Variants in ACVR1 observed in about 807,000 individuals in gnomAD.
ACVR1 encodes activin A receptor type 1, also known as activin receptor type-1.
A neutral mutation model predicts 57.1 loss-of-function variants in ACVR1; 38 were observed. The observed-to-expected ratio is 0.67, with a 90% CI of 0.51 to 0.87. ACVR1 has a LOEUF of 0.87. Among genes scored for constraint, ACVR1 ranks in the 40% least tolerant of loss-of-function variants. The probability of loss-of-function intolerance (pLI) is 0.00; values close to 1 mark genes in which losing one functional copy is unlikely to be tolerated. For missense variants in ACVR1, 463 were observed against 638.2 expected, an observed-to-expected ratio of 0.73 and a Z score of 2.96; for synonymous variants, 212 against 228.1, an observed-to-expected ratio of 0.93 and a Z score of 0.63.
intron 6 of ACVR1, among the ~76,000 whole-genome samples, chr2:157,772,147 T>C (rs1213950169): frequency 6.6e-6 from 1 of 152,206 alleles, no homozygotes; most frequent in Non-Finnish European, 1.5e-5. Flanking sequence ...GAAATATTGT[T>C]CAATGGTTTT....
chr2:157,828,356 G>A lies in ACVR1; in HGVS notation c.-182-9797C>T, dbSNP rs531016129. 1.8e-4 allele frequency among the ~76,000 whole-genome samples: 27 copies of A among 151,448 alleles called. No homozygotes were observed. The Middle Eastern group carries it at 0.01, about 59-fold the overall frequency. On this transcript the variant is annotated intron_variant, in intron 1 of 10. Coordinates refer to ENST00000434821, the MANE Select transcript of ACVR1 (RefSeq NM_001111067.4). ...TCCCAGCTACTCGGGAGACTGAGGC[G>A]GGAGAATCGATTGAACTTGGGAGGC...
intron 1 of ACVR1, among the ~76,000 whole-genome samples, chr2:157,822,057 T>C (rs762371537): frequency 2.0e-5 from 3 of 152,204 alleles, no homozygotes; most frequent in Non-Finnish European, 2.9e-5. Context: ...CTTCTAAACA[T>C]TGAAAATCCT....
intron 3 of ACVR1, among the ~76,000 whole-genome samples, chr2:157,796,541 C>A (rs1376110757): frequency 1.3e-5 from 2 of 151,854 alleles, no homozygotes; most frequent in East Asian, 1.9e-4. Context: ...GTGAAAGAGA[C>A]CCCGTTTCAA....
In ACVR1 at chr2:157,865,388, C is replaced by G. The variant is rs372998857; in HGVS notation, c.-183+10408G>C. ...AAATAAAAAGCAAAAATCCAATTCA[C>G]GGCACAACCTATACTGAAATTTAAA... On this transcript the variant is annotated intron_variant, in intron 1 of 10. Coordinates refer to ENST00000434821, the MANE Select transcript of ACVR1 (RefSeq NM_001111067.4). Among the ~76,000 whole-genome samples, 4 of 152,330 alleles carry G rather than the reference C, an allele frequency of 2.6e-5. No individual in the cohort carries two copies. The East Asian group carries it at 7.7e-4, about 29-fold the overall frequency.
intron 1 of ACVR1, among the ~76,000 whole-genome samples, chr2:157,823,983 C>T (rs1028858601): frequency 1.3e-5 from 2 of 152,168 alleles, no homozygotes; most frequent in African/African-American, 4.8e-5. Flanking sequence ...AAACAGGCGT[C>T]ATGACTCCCT....
intron 2 of ACVR1, among the ~76,000 whole-genome samples, chr2:157,817,404 A>T (rs1179626460): frequency 6.6e-6 from 1 of 152,228 alleles, no homozygotes; most frequent in Non-Finnish European, 1.5e-5. Context: ...TAGGTAGAAC[A>T]CGGAGATCTT....
At chr2:157,845,310 T>C (rs945212102) in intron 1 of ACVR1, among the ~76,000 whole-genome samples, 3 of 152,156 alleles carry the variant, frequency 2.0e-5, no homozygotes, top group Non-Finnish European at 4.4e-5. Context: ...CTTAAGAATC[T>C]TGAGATGAGA....
chr2:157,765,907 T>C lies in ACVR1; in HGVS notation c.1066+14A>G. 1 of 1,613,774 alleles carries C rather than the reference T, an allele frequency of 6.2e-7. No individual in the cohort carries two copies. The highest frequency in any genetic ancestry group is 8.5e-7 in the Non-Finnish European group (1 of 1,179,896). Reference sequence around the variant, plus strand: ...ATAAAACTGGTGAGGAAAAAAATATTTTTAGAAATTTACCCAAATCTGCTA... The same window carrying C: ...ATAAAACTGGTGAGGAAAAAAATATCTTTAGAAATTTACCCAAATCTGCTA... On this transcript the variant is annotated intron_variant, in intron 8 of 10. Coordinates refer to ENST00000434821, the MANE Select transcript of ACVR1 (RefSeq NM_001111067.4).
chr2:157,803,649 T>C (rs1046716693), intron 2 of ACVR1, among the ~76,000 whole-genome samples: 24 of 152,212 alleles, frequency 1.6e-4, no homozygotes, highest in Admixed American at 1.6e-3. Context: ...TATTTTTGGC[T>C]AAGGAGCGTT....
intron 8 of ACVR1, among the ~76,000 whole-genome samples, chr2:157,764,819 T>C (rs1574036338): frequency 6.6e-6 from 1 of 152,288 alleles, no homozygotes; most frequent in Non-Finnish European, 1.5e-5. Context: ...GCCATGCTCT[T>C]TCAATGCTTA....
At chr2:157,864,588 G>A (rs1257572680) in intron 1 of ACVR1, among the ~76,000 whole-genome samples, 1 of 152,094 alleles carries the variant, frequency 6.6e-6, no homozygotes, top group Non-Finnish European at 1.5e-5. Context: ...GATCTAGTTT[G>A]ACAATCAGCA....
At chr2:157,763,217 C>T (rs754896671) in intron 8 of ACVR1, among the ~76,000 whole-genome samples, 1 of 152,086 alleles carries the variant, frequency 6.6e-6, no homozygotes, top group Non-Finnish European at 1.5e-5. Context: ...GAAGAAGATG[C>T]ATTTTTAAGT....
chr2:157,842,181 A>C (rs1689004787), intron 1 of ACVR1, among the ~76,000 whole-genome samples: 1 of 152,174 alleles, frequency 6.6e-6, no homozygotes. Context: ...ACTGAAGAAG[A>C]CCTTGGAAAA....
At chr2:157,826,651 CAAAAAAA>C (rs372496218) in intron 1 of ACVR1, 3 of 29,304 alleles carry the variant, frequency 1.0e-4, no homozygotes, top group Non-Finnish European at 1.6e-4. Flanking sequence ...AAGACCCTGT[CAAAAAAA>C]AAAAAAAAGA....
At chr2:157,803,430 G>A (rs899981912) in intron 2 of ACVR1, among the ~76,000 whole-genome samples, 2 of 151,930 alleles carry the variant, frequency 1.3e-5, no homozygotes, top group Non-Finnish European at 2.9e-5. Flanking sequence ...AGTAAACTCA[G>A]CTATTAAAAA....
At chr2:157,748,216 G>A (rs1023131959) in intron 9 of ACVR1, among the ~76,000 whole-genome samples, 6 of 152,060 alleles carry the variant, frequency 3.9e-5, no homozygotes, top group East Asian at 1.9e-4. Context: ...TTTGCAACAC[G>A]AGTTCTTACA....
intron 1 of ACVR1, among the ~76,000 whole-genome samples, chr2:157,833,404 T>G (rs1336646232): frequency 3.3e-5 from 5 of 151,992 alleles, no homozygotes; most frequent in African/African-American, 1.2e-4. Flanking sequence ...TGCCTAAGAG[T>G]GCTCTCTGGT....
At chr2:157,849,776 T>C (rs1211698671) in intron 1 of ACVR1, among the ~76,000 whole-genome samples, 1 of 152,212 alleles carries the variant, frequency 6.6e-6, no homozygotes, top group African/African-American at 2.4e-5. Context: ...AACAAGCAAG[T>C]GTAACTAGTT....
In ACVR1 at chr2:157,840,983, C is replaced by T. The variant is rs16842161; in HGVS notation, c.-182-22424G>A. 7.9e-3 allele frequency among the ~76,000 whole-genome samples: 1,207 copies of T among 152,354 alleles called. 14 individuals carry two copies. The highest frequency in any genetic ancestry group is 0.027 in the African/African-American group (1,131 of 41,576). ...CTATAAATAGCCTCCTGGCTGTGAT[C>T]CCGACGGCAACCACAATTCCTGTTC... On this transcript the variant is annotated intron_variant, in intron 1 of 10. Transcript: ENST00000434821.
Sources: gnomAD v4.1 joint callset for allele counts (sites outside exome capture counted in the v4.1 genomes callset) on GRCh38, gnomAD v4.1.1 for gene constraint, MANE v1.5 for transcripts, NCBI Gene and HGNC (gene_info 2026-07-23, HGNC 2026-07-21) for gene names.